The following PLCL2 variants were observed in gnomAD, a reference collection of about 807,000 sequenced individuals.
The protein encoded by PLCL2 is inactive phospholipase C-like protein 2.
A neutral mutation model predicts 79.6 loss-of-function variants in PLCL2; 4 were observed. That is an observed-to-expected ratio of 0.05 (90% CI 0.02 to 0.11). The LOEUF (loss-of-function observed/expected upper bound fraction) is 0.11. Among genes scored for constraint, PLCL2 ranks in the 10% least tolerant of loss-of-function variants. The pLI is 1.00. For synonymous variants in PLCL2, 484 were observed against 457.7 expected (o/e 1.06, Z -0.73); for missense variants, 895 against 1,291.0 (o/e 0.69, Z 4.70).
intron 1 of PLCL2, among the ~76,000 whole-genome samples, chr3:16,982,948 T>C (rs940010159): frequency 6.6e-6 from 1 of 152,264 alleles, no homozygotes; most frequent in African/African-American, 2.4e-5. Flanking sequence ...CTGTATTTTA[T>C]GTAAATACTA....
At chr3:17,085,290 C>G (rs2065205998) in intron 5 of PLCL2, among the ~76,000 whole-genome samples, 1 of 152,118 alleles carries the variant, frequency 6.6e-6, no homozygotes, top group African/African-American at 2.4e-5. Context: ...TGCACACCAA[C>G]ATACCCAGCT....
chr3:16,942,419 A>G (rs1449842626), intron 1 of PLCL2, among the ~76,000 whole-genome samples: 2 of 151,856 alleles, frequency 1.3e-5, no homozygotes, highest in Non-Finnish European at 2.9e-5. Flanking sequence ...TCAACTTCCC[A>G]TTACCTTTTC....
intron 1 of PLCL2, among the ~76,000 whole-genome samples, chr3:16,907,749 A>G (rs1423750780): frequency 6.7e-6 from 1 of 149,758 alleles, no homozygotes; most frequent in Non-Finnish European, 1.5e-5. Flanking sequence ...ATTATTAGCA[A>G]TTTTTTTTTT....
intron 1 of PLCL2, among the ~76,000 whole-genome samples, chr3:16,981,189 G>A (rs1027119895): frequency 6.6e-6 from 1 of 151,962 alleles, no homozygotes; most frequent in Non-Finnish European, 1.5e-5. Context: ...TTTCAACCAT[G>A]ATTGTGATAA....
chr3:17,074,492 C>T (rs900938939), intron 5 of PLCL2, among the ~76,000 whole-genome samples: 3 of 152,214 alleles, frequency 2.0e-5, no homozygotes, highest in African/African-American at 7.2e-5. Context: ...CTGCTACTTA[C>T]AGCCACCAGC....
At chr3:17,070,149 C>T (rs2065048972) in intron 5 of PLCL2, among the ~76,000 whole-genome samples, 3 of 152,306 alleles carry the variant, frequency 2.0e-5, no homozygotes, top group South Asian at 4.1e-4. Flanking sequence ...GAACCAGCAA[C>T]CTGGGCCTCA....
intron 1 of PLCL2, among the ~76,000 whole-genome samples, chr3:16,898,670 C>A (rs1696542838): frequency 6.6e-6 from 1 of 152,132 alleles, no homozygotes; most frequent in Non-Finnish European, 1.5e-5. Context: ...TAAAGTAAGA[C>A]AAGGTGGAGG....
At chr3:17,004,667 C>A (rs2064243452) in intron 1 of PLCL2, among the ~76,000 whole-genome samples, 1 of 151,948 alleles carries the variant, frequency 6.6e-6, no homozygotes, top group Non-Finnish European at 1.5e-5. Context: ...GCAGGGTAGC[C>A]CTTATGTGCC....
chr3:16,972,618 G>A (rs997153114), intron 1 of PLCL2, among the ~76,000 whole-genome samples: 2 of 152,146 alleles, frequency 1.3e-5, no homozygotes, highest in Non-Finnish European at 2.9e-5. Flanking sequence ...CTATTATTGT[G>A]TGATTATCCA....
chr3:17,006,208 A>G (rs2064258912), intron 1 of PLCL2, among the ~76,000 whole-genome samples: 1 of 152,236 alleles, frequency 6.6e-6, no homozygotes, highest in Non-Finnish European at 1.5e-5. Flanking sequence ...TACTTAGCTT[A>G]GGCAAGTATT....
At chr3:16,914,551 T>G (rs1696950392) in intron 1 of PLCL2, among the ~76,000 whole-genome samples, 1 of 151,918 alleles carries the variant, frequency 6.6e-6, no homozygotes, top group Admixed American at 6.6e-5. Flanking sequence ...GTGGTCCAAT[T>G]TCATTGTATT....
Position 16,894,752 on chromosome 3 carries a change from T to C in PLCL2, c.327+9386T>C, listed in dbSNP as rs188844442. ...TTCTTGGCCATTTGGATATTCTCTT[T>C]TGTGAAAATGCTTGTTCAAGTCTTT... is the stretch of plus-strand genomic sequence containing the variant. On this transcript the variant is annotated intron_variant, in intron 1 of 5. Coordinates refer to ENST00000615277, the MANE Select transcript of PLCL2 (RefSeq NM_001144382.2). Among the ~76,000 whole-genome samples the C allele has an allele frequency of 5.1e-3, 779 of 152,268 alleles. 3 individuals are homozygous for C. The highest frequency in any genetic ancestry group is 0.031 in the Middle Eastern group (9 of 294).
intron 1 of PLCL2, among the ~76,000 whole-genome samples, chr3:16,956,198 G>C (rs62245978): frequency 0.2 from 27,325 of 135,704 alleles, 2,992 homozygotes; most frequent in East Asian, 0.54. Context: ...TTTGAGATAC[G>C]TCCCATCAAT....
intron 1 of PLCL2, among the ~76,000 whole-genome samples, chr3:16,893,554 C>T (rs1446529613): frequency 4.6e-5 from 7 of 152,094 alleles, no homozygotes; most frequent in East Asian, 3.9e-4. Flanking sequence ...ATTTTCACAG[C>T]GGAAAGAGAT....
At chr3:17,034,719 G>A (rs186252108) in intron 3 of PLCL2, among the ~76,000 whole-genome samples, 23 of 152,234 alleles carry the variant, frequency 1.5e-4, no homozygotes, top group Admixed American at 9.8e-4. Flanking sequence ...CCAGAAATAC[G>A]CTGTGGAAAC....
chr3:17,041,366 C>A (rs1224984471), intron 3 of PLCL2, among the ~76,000 whole-genome samples: 1 of 152,046 alleles, frequency 6.6e-6, no homozygotes, highest in African/African-American at 2.4e-5. Flanking sequence ...TGCAGTAGAC[C>A]CCAGCGATGA....
chr3:16,969,284 C>T (rs1391771780), intron 1 of PLCL2, among the ~76,000 whole-genome samples: 1 of 151,960 alleles, frequency 6.6e-6, no homozygotes, highest in Non-Finnish European at 1.5e-5. Flanking sequence ...AGTCACTCCT[C>T]CTCAGTTTTT....
At chr3:16,934,640 G>T (rs1411999356) in intron 1 of PLCL2, among the ~76,000 whole-genome samples, 1 of 152,174 alleles carries the variant, frequency 6.6e-6, no homozygotes, top group African/African-American at 2.4e-5. Flanking sequence ...CATCCTGCCT[G>T]CCAGGTGGAG....
At chr3:16,928,032 C>T (rs147248101) in intron 1 of PLCL2, among the ~76,000 whole-genome samples, 115 of 152,280 alleles carry the variant, frequency 7.6e-4, no homozygotes, top group Non-Finnish European at 1.4e-3. Flanking sequence ...TCTCATTTTC[C>T]AGGTGAGGAA....
Sources: gnomAD v4.1 joint callset for allele counts (sites outside exome capture counted in the v4.1 genomes callset) on GRCh38, gnomAD v4.1.1 for gene constraint, MANE v1.5 for transcripts, NCBI Gene and HGNC (gene_info 2026-07-23, HGNC 2026-07-21) for gene names.